The following NUDT7 variants were observed in gnomAD, a reference collection of about 807,000 sequenced individuals.
NUDT7 encodes the protein peroxisomal coenzyme A diphosphatase NUDT7.
Under a neutral mutation model 13.1 loss-of-function variants are expected in NUDT7, and 19 were observed. The ratio of observed to expected loss-of-function variants is 1.45; its 90% CI spans 1.01 to 2.13. NUDT7 has a LOEUF of 2.13. Among genes scored for constraint, NUDT7 ranks in the 30% most tolerant of loss-of-function variants. NUDT7 has a pLI of 0.00. For missense variants in NUDT7, 360 were observed against 291.7 expected, an observed-to-expected ratio of 1.23 and a Z score of -1.71; for synonymous variants, 132 against 109.7, an observed-to-expected ratio of 1.20 and a Z score of -1.27.
chr16:77,725,556 A>T lies in NUDT7; in HGVS notation c.161A>T (p.His54Leu). ...LPLVAKEGKL[H>L]LLFTVRSEKL... ...TTGGTGGCTAAAGAAGGAAAACTCC[A>T]TTTGTTGTTCACCGTCCGGTCAGAG... Residue 54 changes from histidine (H) to leucine (L), a missense_variant, in exon 2 of 4, where the codon CAT (histidine) becomes CTT (leucine). By Grantham distance (99) the His-to-Leu change is moderately conservative. Transcript: ENST00000268533. 1 of 1,614,102 alleles carries T rather than the reference A, an allele frequency of 6.2e-7. No homozygotes were observed. The highest frequency in any genetic ancestry group is 8.5e-7 in the Non-Finnish European group (1 of 1,180,018).
At chr16:77,723,526 ATCT>A (rs1038248032) in intron 1 of NUDT7, among the ~76,000 whole-genome samples, 18 of 151,832 alleles carry the variant, frequency 1.2e-4, no homozygotes, top group African/African-American at 4.4e-4. Flanking sequence ...GCATCATTTA[ATCT>A]TCTTAAATAT....
intron 3 of NUDT7, among the ~76,000 whole-genome samples, chr16:77,737,851 A>C (rs942589852): frequency 2.6e-5 from 4 of 152,058 alleles, no homozygotes; most frequent in African/African-American, 7.2e-5. Flanking sequence ...ACTGTTGCCT[A>C]ACACTTAGAA....
chr16:77,728,063 T>C (rs746759429), intron 2 of NUDT7, among the ~76,000 whole-genome samples: 7 of 152,046 alleles, frequency 4.6e-5, no homozygotes, highest in Non-Finnish European at 8.8e-5. Flanking sequence ...TTGTAAACAC[T>C]ATCTGGCTGT....
At position 77,740,962 on chromosome 16, in the gene NUDT7, T is replaced by TTA. The variant is rs755561491; in HGVS notation, c.349-610_349-609dup. On this transcript the variant is annotated intron_variant, in intron 3 of 3. Coordinates refer to ENST00000268533, the MANE Select transcript of NUDT7 (RefSeq NM_001105663.3). Reference sequence around the variant, plus strand: ...ATATAGTTATATATAAGACACATAATTATATATATATGTGTATGTACTATG... The same window carrying TTA: ...ATATAGTTATATATAAGACACATAATTATATATATATATGTGTATGTACTATG... 2.1e-4 allele frequency among the ~76,000 whole-genome samples: 32 copies of TTA among 152,258 alleles called. 1 individual carries two copies. The South Asian group carries it at 2.5e-3, about 12-fold the overall frequency.
intron 2 of NUDT7, among the ~76,000 whole-genome samples, chr16:77,728,892 C>T (rs2014226014): frequency 6.7e-6 from 1 of 148,710 alleles, no homozygotes. Context: ...ATCGGTCCTG[C>T]TCTTCTCCCC....
intron 3 of NUDT7, 146 bp from the exon 4 acceptor site, chr16:77,741,436 A>G: frequency 2.7e-6 from 2 of 732,414 alleles, no homozygotes; most frequent in Non-Finnish European, 4.3e-6. Context: ...TTTAGGGGGA[A>G]CATAAATTTG....
At chr16:77,741,049 A>ATAAG (rs1194942071) in intron 3 of NUDT7, among the ~76,000 whole-genome samples, 1 of 152,230 alleles carries the variant, frequency 6.6e-6, no homozygotes, top group Non-Finnish European at 1.5e-5. Context: ...TTTTCTGTTC[A>ATAAG]TAAGTATAGC....
chr16:77,726,991 C>A (rs2014158745), intron 2 of NUDT7, among the ~76,000 whole-genome samples: 1 of 151,888 alleles, frequency 6.6e-6, no homozygotes, highest in South Asian at 2.1e-4. Flanking sequence ...CAGGGAAATA[C>A]CACACACTTT....
chr16:77,725,506 T>C lies in NUDT7; in HGVS notation c.111T>C (p.Tyr37=), dbSNP rs200408443. 12 of 1,614,046 alleles carry C rather than the reference T, an allele frequency of 7.4e-6. No individual in the cohort carries two copies. The highest frequency in any genetic ancestry group is 1.0e-5 in the Non-Finnish European group (12 of 1,179,876). ...GAGGCAAATATTCTCACTTGCCATA[T>C]AACAAATACTCCGTCCTTTTGCCAT... ...DIGGKYSHLP[Y]NKYSVLLPLV... The change falls in exon 2 of 4, where the codon TAT becomes TAC. Residue 37 remains tyrosine (Y), a synonymous_variant. Transcript: ENST00000268533.
At chr16:77,727,872 A>AGT (rs1229081072) in intron 2 of NUDT7, among the ~76,000 whole-genome samples, 22 of 130,218 alleles carry the variant, frequency 1.7e-4, no homozygotes, top group Non-Finnish European at 2.8e-4. Flanking sequence ...TGAATAAATA[A>AGT]ATAAAAATAA....
chr16:77,735,513 C>T, intron 2 of NUDT7: 1 of 568,278 alleles, frequency 1.8e-6, no homozygotes, highest in Non-Finnish European at 3.1e-6. Flanking sequence ...AGACTGTGAG[C>T]CAACCAAACC....
Position 77,735,874 on chromosome 16 carries a change from A to C in NUDT7, c.236A>C (p.Asp79Ala). 6.2e-7 allele frequency: 1 copy of C among 1,613,948 alleles called. No homozygotes were observed. Among genetic ancestry groups the C allele is most frequent in the Non-Finnish European group, 8.5e-7 (1 of 1,179,924 alleles). The change falls in exon 3 of 4, where the codon GAC becomes GCC. Residue 79 changes from aspartate to alanine, a missense_variant. Physicochemically the swap from Asp to Ala is moderately radical, Grantham distance 126 (BLOSUM62 -2). Transcript: ENST00000268533. The part of the protein sequence containing the change: ...GEVCFPGGKR[D>A]PTDMDDAATA... ...GTTTGCTTCCCTGGAGGTAAGCGTG[A>C]CCCTACAGACATGGATGATGCAGCC...
intron 1 of NUDT7, 54 bp from the exon 2 acceptor site, chr16:77,725,376 CT>C: frequency 6.5e-7 from 1 of 1,531,092 alleles, no homozygotes; most frequent in Non-Finnish European, 8.9e-7. Flanking sequence ...GGACTATAAG[CT>C]TTTTACCATA....
At position 77,735,686 on chromosome 16, in the gene NUDT7, G is replaced by C. The variant is rs975797730; in HGVS notation, c.190-142G>C. ...AAAAAGGATTCAAGAAAACACATTT[G>C]TGGGCAATAGGGGTCTTGATACCAC... is the stretch of plus-strand genomic sequence containing the variant. On this transcript the variant is annotated intron_variant, in intron 2 of 3. Transcript: ENST00000268533. 9 of 748,456 alleles carry C rather than the reference G, an allele frequency of 1.2e-5. No homozygotes were observed. The South Asian group carries it at 1.7e-4, about 14-fold the overall frequency. 46.4% of individuals were successfully genotyped at this position (748,456 alleles called of 1,614,324 possible).
intron 3 of NUDT7, chr16:77,736,843 A>G (rs565947450): frequency 6.4e-6 from 1 of 156,050 alleles, no homozygotes; most frequent in South Asian, 2.0e-4. Context: ...TAAATATTGT[A>G]TTAAGAAGTA....
At chr16:77,734,804 T>C (rs1184839511) in intron 2 of NUDT7, among the ~76,000 whole-genome samples, 1 of 151,846 alleles carries the variant, frequency 6.6e-6, no homozygotes, top group African/African-American at 2.4e-5. Context: ...AAGTCGAGAC[T>C]AGGTAAATCC....
In NUDT7 at chr16:77,730,675, A is replaced by C. The variant is rs896999042; in HGVS notation, c.189+5091A>C. Among the ~76,000 whole-genome samples, 3 of 152,190 alleles carry C rather than the reference A, an allele frequency of 2.0e-5. No individual in the cohort carries two copies. The East Asian group carries it at 5.8e-4, about 29-fold the overall frequency. ...TGGCAATTCTGTTTTTAATTTTTTG[A>C]GAAACCTCCATTCTGTTTTCCACAA... On this transcript the variant is annotated intron_variant, in intron 2 of 3. Transcript: ENST00000268533.
chr16:77,723,919 G>C (rs1416044541), intron 1 of NUDT7, among the ~76,000 whole-genome samples: 2 of 152,020 alleles, frequency 1.3e-5, no homozygotes, highest in African/African-American at 4.8e-5. Context: ...GCCAATTCTG[G>C]GTATCTTAAA....
intron 3 of NUDT7, among the ~76,000 whole-genome samples, chr16:77,737,647 G>A (rs571439927): frequency 7.9e-5 from 12 of 152,018 alleles, no homozygotes; most frequent in South Asian, 6.3e-4. Flanking sequence ...CACCGCGCCC[G>A]GCTAATTTTT....
Sources: gnomAD v4.1 joint callset for allele counts (sites outside exome capture counted in the v4.1 genomes callset) on GRCh38, gnomAD v4.1.1 for gene constraint, MANE v1.5 for transcripts, NCBI Gene and HGNC (gene_info 2026-07-23, HGNC 2026-07-21) for gene names.